Variants in ROBO4 observed in about 807,000 individuals in gnomAD.
The protein encoded by ROBO4 is roundabout homolog 4.
A neutral mutation model predicts 103.3 loss-of-function variants in ROBO4; 80 were observed. That is an observed-to-expected ratio of 0.77 (90% CI 0.65 to 0.93). The LOEUF is 0.93. Ranked by LOEUF, ROBO4 falls within the 40% of genes least tolerant of loss-of-function variation. The pLI is 0.00. For synonymous variants in ROBO4, 504 were observed against 529.7 expected, an observed-to-expected ratio of 0.95 and a Z score of 0.67; for missense variants, 1,333 against 1,305.3, an observed-to-expected ratio of 1.02 and a Z score of -0.33.
rs528235826 is a variant in ROBO4, at chr11:124,891,191, G to A, written c.1948+108C>T. 102 of 1,288,492 alleles carry A rather than the reference G, an allele frequency of 7.9e-5. No individual in the cohort carries two copies. In the South Asian group the frequency reaches 1.8e-3, roughly 23 times the overall value. The allele number at this position is 1,288,492 out of a possible 1,614,324, so 79.8% of individuals were successfully genotyped here. ...CTGGAGAGGAGAATGGAAGGAGGGT[G>A]TGGAGGTTGCACGCCCCTCCAGGCT... On this transcript the variant is annotated intron_variant, in intron 12 of 17. Transcript: ENST00000306534.
In ROBO4 at chr11:124,895,592, G is replaced by A; in HGVS notation, c.901C>T (p.Leu301=). The change falls in exon 6 of 18, where the codon CTG becomes TTG. Residue 301 remains leucine, a synonymous_variant. Coordinates refer to ENST00000306534, the MANE Select transcript of ROBO4 (RefSeq NM_019055.6). ...GGQGAPWAEE[L]LAGWQSAELG... ...TCTGCGCTCTGCCAGCCGGCCAGCA[G>A]CTCCTCTGCCCACGGAGCTCCCTGG... The A allele has an allele frequency of 6.2e-7, 1 of 1,613,630 alleles. No homozygotes were observed.
rs1449237165 is a variant in ROBO4, at chr11:124,895,827, T to A, written c.765A>T (p.Ala255=). Reference sequence around the variant, plus strand: ...CCGCCGGTCTAGGCTTGGGGCCCTCTGCAGGATCCGGGTTCAGCAGTGTCA... The same window carrying A: ...CCGCCGGTCTAGGCTTGGGGCCCTCAGCAGGATCCGGGTTCAGCAGTGTCA... The part of the protein sequence containing the change: ...ENVTLLNPDP[A]EGPKPRPAVW... The change falls in exon 5 of 18, where the codon GCA becomes GCT. Residue 255 remains alanine (A), a synonymous_variant. Coordinates refer to ENST00000306534, the MANE Select transcript of ROBO4 (RefSeq NM_019055.6). The A allele has an allele frequency of 1.2e-6, 2 of 1,614,182 alleles. No individual in the cohort carries two copies. The highest frequency in any genetic ancestry group is 4.5e-5 in the East Asian group (2 of 44,874).
In ROBO4 at chr11:124,884,315, C is replaced by T. The variant is rs1288686979; in HGVS notation, c.*576G>A. 1.3e-5 allele frequency: 2 copies of T among 154,790 alleles called. No individual in the cohort carries two copies. Among genetic ancestry groups the T allele is most frequent in the South Asian group, 2.0e-4 (1 of 4,940 alleles). The allele number at this position is 154,790 out of a possible 1,614,324, so 9.6% of individuals were successfully genotyped here. A position where few individuals can be genotyped will look rare whatever the true frequency, so the allele number is the denominator to read the frequency against. On this transcript the variant is annotated 3_prime_UTR_variant, in exon 18 of 18. Coordinates refer to ENST00000306534, the MANE Select transcript of ROBO4 (RefSeq NM_019055.6). ...GACCTACGGTCTCATACCTCCCTTC[C>T]TTCAGCATCCTCGCTAGACCCAGCC... is the stretch of plus-strand genomic sequence containing the variant.
rs781611386 is a variant in ROBO4 at position 124,886,634 on chromosome 11, T to G, written c.2624A>C (p.Asn875Thr). ...GTCCTCAGAGGCTGAGCCCCAACCA[T>G]TGGCTAAGGAGCCCTCGCTGGGGGT... ...TPTPSEGSLA[N>T]GWGSASEDNA... The change falls in exon 16 of 18, where the codon AAT becomes ACT. Residue 875 changes from asparagine to threonine, a missense_variant. Coordinates refer to ENST00000306534, the MANE Select transcript of ROBO4 (RefSeq NM_019055.6). 4.3e-6 allele frequency: 7 copies of G among 1,614,070 alleles called. No homozygotes were observed. In the Middle Eastern group the frequency reaches 9.9e-4, roughly 228 times the overall value.
At chr11:124,893,574 G>T in intron 10 of ROBO4, 114 bp downstream of exon 10, 1 of 909,044 alleles carries the variant, frequency 1.1e-6, no homozygotes, top group Non-Finnish European at 1.9e-6. Flanking sequence ...AGAGATTCAT[G>T]TACGACAGTC....
chr11:124,891,598 A>G (rs756058409), intron 11 of ROBO4, 36 bp from the exon 12 acceptor site: 34 of 1,614,080 alleles, frequency 2.1e-5, no homozygotes, highest in Admixed American at 8.3e-5. Context: ...TATGGTGAGC[A>G]TGTCCTGCTT....
intron 2 of ROBO4, 118 bp from the exon 3 acceptor site, chr11:124,896,788 G>T (rs577315573): frequency 5.3e-6 from 8 of 1,508,340 alleles, no homozygotes; most frequent in African/African-American, 2.8e-5. Flanking sequence ...GGCCAGCCCC[G>T]CCCCAGCTTG....
chr11:124,891,157 T>G, intron 12 of ROBO4, 142 bp downstream of exon 12: 1 of 1,024,326 alleles, frequency 9.8e-7, no homozygotes. Context: ...AAAGAGGTCT[T>G]GTGTCCACCT....
intron 12 of ROBO4, among the ~76,000 whole-genome samples, chr11:124,888,167 A>G (rs1016756408): frequency 2.6e-5 from 4 of 152,228 alleles, no homozygotes; most frequent in East Asian, 3.8e-4. Flanking sequence ...CAGATTGCAC[A>G]AGTTCTTGGC....
At chr11:124,896,401 C>T in intron 3 of ROBO4, 83 bp from the exon 4 acceptor site, 12 of 1,595,094 alleles carry the variant, frequency 7.5e-6, no homozygotes, top group East Asian at 2.2e-5. Context: ...CCCTGCTCTC[C>T]CCTCCTCAAA....
In ROBO4 at chr11:124,895,499, C is replaced by T; in HGVS notation, c.994G>A (p.Gly332Ser). The T allele has an allele frequency of 6.2e-7, 1 of 1,611,146 alleles. No homozygotes were observed. Among genetic ancestry groups the T allele is most frequent in the Non-Finnish European group, 8.5e-7 (1 of 1,180,002 alleles). ...KVRPSSGRAR[G>S]PDSNVLLLRL... ...AGGAGCAGCACGTTGCTGTCAGGGC[C>T]TCGAGCCCGGCCAGAGGATGGTCTC... is the stretch of plus-strand genomic sequence containing the variant. Residue 332 changes from glycine (G) to serine (S), a missense_variant, in exon 6 of 18, where the codon GGC becomes AGC. Physicochemically the swap from Gly to Ser is moderately conservative, Grantham distance 56. Transcript: ENST00000306534.
rs1233386213 is a variant in ROBO4, at chr11:124,891,395, A to G, written c.1852T>C (p.Cys618Arg). Reference sequence around the variant, plus strand: ...CTGCAGAGGCTGTCTGAGCTGGAACAGGGGCTGGAGAGCTGGGCCAGCTGG... The same window carrying G: ...CTGCAGAGGCTGTCTGAGCTGGAACGGGGGCTGGAGAGCTGGGCCAGCTGG... ...PPQLAQLSSP[C>R]SSSDSLCSRR... The change falls in exon 12 of 18, where the codon TGT (cysteine) becomes CGT (arginine). Residue 618 changes from cysteine (C) to arginine (R), a missense_variant. Coordinates refer to ENST00000306534, the MANE Select transcript of ROBO4 (RefSeq NM_019055.6). 2 of 1,573,528 alleles carry G rather than the reference A, an allele frequency of 1.3e-6. No homozygotes were observed. The highest frequency in any genetic ancestry group is 1.8e-5 in the Admixed American group (1 of 56,850).
In ROBO4 at chr11:124,886,550, T is replaced by A. The variant is rs766225391; in HGVS notation, c.2708A>T (p.Asp903Val). Residue 903 changes from aspartate (D) to valine (V), a missense_variant, in exon 16 of 18, where the codon GAT becomes GTT. Coordinates refer to ENST00000306534, the MANE Select transcript of ROBO4 (RefSeq NM_019055.6). ...VSSSDGSFLA[D>V]AHFARALAVA... ...TGCCAGGGCCCGGGCAAAGTGAGCA[T>A]CAGCGAGGAAGGAGCCATCGGAGGA... 5 of 1,614,052 alleles carry A rather than the reference T, an allele frequency of 3.1e-6. No homozygotes were observed. In the East Asian group the frequency reaches 1.1e-4, roughly 36 times the overall value.
At position 124,895,997 on chromosome 11, in the gene ROBO4, C is replaced by T. The variant is rs879028733; in HGVS notation, c.680-85G>A. The T allele has an allele frequency of 8.9e-6, 14 of 1,578,956 alleles. 1 individual carries two copies. In the South Asian group the frequency reaches 1.2e-4, roughly 14 times the overall value. On this transcript the variant is annotated intron_variant, in intron 4 of 17. Coordinates refer to ENST00000306534, the MANE Select transcript of ROBO4 (RefSeq NM_019055.6). The stretch of plus-strand genomic sequence containing the variant: ...GGAACATCCCTCAGCCAGGGAGGAA[C>T]CCCAGGGAACCCAAACTCCCAGAGT...
Position 124,895,484 on chromosome 11 carries a change from C to A in ROBO4, c.1009G>T (p.Val337Leu), listed in dbSNP as rs140504916. ...TTTTCCGGCAGCCTCAGGAGCAGCA[C>A]GTTGCTGTCAGGGCCTCGAGCCCGG... is the stretch of plus-strand genomic sequence containing the variant. ...SGRARGPDSN[V>L]LLLRLPEKVP... Residue 337 changes from valine (V) to leucine (L), a missense_variant, in exon 6 of 18, where the codon GTG becomes TTG. Transcript: ENST00000306534. 3.8e-5 allele frequency: 61 copies of A among 1,610,598 alleles called. No individual in the cohort carries two copies. Among genetic ancestry groups the A allele is most frequent in the Admixed American group, 6.7e-5 (4 of 60,010 alleles).
At chr11:124,892,130 T>C in intron 10 of ROBO4, 1 of 532,234 alleles carries the variant, frequency 1.9e-6, no homozygotes, top group Non-Finnish European at 3.6e-6. Context: ...CAGCTTAGCT[T>C]GGGTAAGTAC....
At position 124,894,332 on chromosome 11, in the gene ROBO4, T is replaced by C. The variant is rs1046861052; in HGVS notation, c.1187A>G (p.Asn396Ser). 2 of 1,613,826 alleles carry C rather than the reference T, an allele frequency of 1.2e-6. No individual in the cohort carries two copies. The highest frequency in any genetic ancestry group is 2.2e-5 in the East Asian group (1 of 44,874). ...SLGNTSLPPA[N>S]WTVVGEQTQL... Reference sequence around the variant, plus strand: ...GGTCTGCTCACCAACTACAGTCCAGTTGGCTGGTGGCAGTGATGTGTTGCC... The same window carrying C: ...GGTCTGCTCACCAACTACAGTCCAGCTGGCTGGTGGCAGTGATGTGTTGCC... The change falls in exon 8 of 18, where the codon AAC (asparagine) becomes AGC (serine). Residue 396 changes from asparagine (N) to serine (S), a missense_variant. By Grantham distance (46) the Asn-to-Ser change is conservative. Coordinates refer to ENST00000306534, the MANE Select transcript of ROBO4 (RefSeq NM_019055.6).
rs1326678242 is a variant in ROBO4, at chr11:124,891,399, G to T, written c.1848C>A (p.Ser616Arg). 2 of 1,578,988 alleles carry T rather than the reference G, an allele frequency of 1.3e-6. No homozygotes were observed. The highest frequency in any genetic ancestry group is 1.7e-6 in the Non-Finnish European group (2 of 1,161,906). The change falls in exon 12 of 18, where the codon AGC becomes AGA. Residue 616 changes from serine to arginine, a missense_variant. By Grantham distance (110) the Ser-to-Arg change is moderately radical. Transcript: ENST00000306534. Reference sequence around the variant, plus strand: ...AGAGGCTGTCTGAGCTGGAACAGGGGCTGGAGAGCTGGGCCAGCTGGGGTG... The same window carrying T: ...AGAGGCTGTCTGAGCTGGAACAGGGTCTGGAGAGCTGGGCCAGCTGGGGTG... Reference protein sequence around the residue: ...RLPPQLAQLSSPCSSSDSLCS... With the variant: ...RLPPQLAQLSRPCSSSDSLCS...
Position 124,884,909 on chromosome 11 carries a change from A to T in ROBO4, c.3006T>A (p.Ser1002=). Residue 1002 remains serine, a synonymous_variant, in exon 18 of 18, where the codon TCT becomes TCA. Transcript: ENST00000306534. The part of the protein sequence containing the change: ...LHCRMPKAGA[S]PVDYS ...ACACGGTTCAGGAGTAATCTACAGG[A>T]GAAGCTGAAGGACAGTGGAGTTATC... 6.2e-7 allele frequency: 1 copy of T among 1,614,180 alleles called. No homozygotes were observed. Among genetic ancestry groups the T allele is most frequent in the East Asian group, 2.2e-5 (1 of 44,878 alleles).
Sources: gnomAD v4.1 joint callset for allele counts (sites outside exome capture counted in the v4.1 genomes callset) on GRCh38, gnomAD v4.1.1 for gene constraint, MANE v1.5 for transcripts, NCBI Gene and HGNC (gene_info 2026-07-23, HGNC 2026-07-21) for gene names.